SNX11: variants seen among roughly 807,000 people sequenced by gnomAD.
The protein encoded by SNX11 is sorting nexin 11.
Under a neutral mutation model 30.7 loss-of-function variants are expected in SNX11, and 19 were observed. The observed-to-expected ratio is 0.62, with a 90% CI of 0.43 to 0.91. The LOEUF (loss-of-function observed/expected upper bound fraction) is 0.91, where lower values mean the gene tolerates loss of function less well. Among genes scored for constraint, SNX11 ranks in the 40% least tolerant of loss-of-function variants. The probability of loss-of-function intolerance (pLI) is 0.00; values close to 1 mark genes in which losing one functional copy is unlikely to be tolerated. For synonymous variants in SNX11, 112 were observed against 119.0 expected (o/e 0.94, Z 0.38); for missense variants, 302 against 326.7 (o/e 0.92, Z 0.58).
At chr17:48,109,509 C>T (rs1365665161) in intron 1 of SNX11, among the ~76,000 whole-genome samples, 8 of 151,906 alleles carry the variant, frequency 5.3e-5, no homozygotes, top group Admixed American at 3.9e-4. Context: ...TCGCCCGCCT[C>T]GGCCTCCCAA....
At chr17:48,120,649 C>T (rs1265087508) in intron 6 of SNX11, among the ~76,000 whole-genome samples, 1 of 151,174 alleles carries the variant, frequency 6.6e-6, no homozygotes, top group East Asian at 2.0e-4. Context: ...GCTGGGACTA[C>T]AGGCGCCCGC....
In SNX11 at chr17:48,123,505, C is replaced by T. The variant is rs190352532; in HGVS notation, c.*1997C>T. On this transcript the variant is annotated 3_prime_UTR_variant, in exon 7 of 7. Transcript: ENST00000359238. ...GTGCTCAGCAGCTAGTTCTGCCAGC[C>T]GGCTAGGCTGCTGGGACAGCAGGAG... Among the ~76,000 whole-genome samples, 8 of 152,198 alleles carry T rather than the reference C, an allele frequency of 5.3e-5. No individual in the cohort carries two copies. The highest frequency in any genetic ancestry group is 2.1e-4 in the South Asian group (1 of 4,818).
At chr17:48,118,603 A>G in intron 4 of SNX11, 101 bp from the exon 5 acceptor site, 2 of 690,206 alleles carry the variant, frequency 2.9e-6, no homozygotes, top group Non-Finnish European at 4.9e-6. Flanking sequence ...AGCTATTTGT[A>G]TTGATTAGAC....
At chr17:48,116,802 A>C (rs1232067928) in intron 4 of SNX11, among the ~76,000 whole-genome samples, 1 of 149,280 alleles carries the variant, frequency 6.7e-6, no homozygotes, top group Non-Finnish European at 1.5e-5. Context: ...TCCTGACCTC[A>C]TGATCTACGT....
At chr17:48,119,257 GT>G in intron 6 of SNX11, 71 bp downstream of exon 6, 1 of 1,160,596 alleles carries the variant, frequency 8.6e-7, no homozygotes, top group Non-Finnish European at 1.3e-6. Context: ...GTGTCCATTT[GT>G]TAGGGAAAGT....
chr17:48,122,353 A>G lies in SNX11; in HGVS notation c.*845A>G, dbSNP rs2063610278. 1 of 153,566 alleles carries G rather than the reference A, an allele frequency of 6.5e-6. No homozygotes were observed. The highest frequency in any genetic ancestry group is 1.5e-5 in the Non-Finnish European group (1 of 68,212). The allele number at this position is 153,566 out of a possible 1,614,324, so 9.5% of individuals were successfully genotyped here. A position where few individuals can be genotyped will look rare whatever the true frequency, so the allele number is the denominator to read the frequency against. On this transcript the variant is annotated 3_prime_UTR_variant, in exon 7 of 7. Transcript: ENST00000359238. ...CCTTTGGTAGCAGCTCCCTGCCTCC[A>G]GGGCTTCCGCCACCAGCGTCTCTGC...
At chr17:48,117,100 G>T (rs1037163324) in intron 4 of SNX11, among the ~76,000 whole-genome samples, 6 of 151,522 alleles carry the variant, frequency 4.0e-5, no homozygotes. Flanking sequence ...TGTTGCCCAG[G>T]CTGGAGTGCA....
chr17:48,111,613 C>T (rs2063492902), intron 1 of SNX11, among the ~76,000 whole-genome samples: 2 of 150,704 alleles, frequency 1.3e-5, no homozygotes, highest in South Asian at 2.1e-4. Flanking sequence ...TGCCATTGCA[C>T]TCCAGCCTGG....
intron 4 of SNX11, among the ~76,000 whole-genome samples, chr17:48,117,091 G>C (rs1218557793): frequency 6.6e-6 from 1 of 150,604 alleles, no homozygotes; most frequent in Non-Finnish European, 1.5e-5. Context: ...TTTCGCTCTT[G>C]TTGCCCAGGC....
chr17:48,121,130 C>T, intron 6 of SNX11, 105 bp from the exon 7 acceptor site: 1 of 1,250,284 alleles, frequency 8.0e-7, no homozygotes, highest in Non-Finnish European at 1.1e-6. Context: ...GGATTACAGG[C>T]ACATGCCAAC....
At chr17:48,118,347 G>A (rs575000388) in intron 4 of SNX11, among the ~76,000 whole-genome samples, 2 of 152,206 alleles carry the variant, frequency 1.3e-5, no homozygotes, top group East Asian at 1.9e-4. Flanking sequence ...TTGGGAGGCC[G>A]AGGCAGGCAG....
chr17:48,115,430 C>G (rs2063536072), intron 4 of SNX11, among the ~76,000 whole-genome samples: 1 of 152,162 alleles, frequency 6.6e-6, no homozygotes, highest in African/African-American at 2.4e-5. Flanking sequence ...AGTATTTTTA[C>G]CTAACAAAGC....
chr17:48,115,904 C>T (rs1343873920), intron 4 of SNX11, among the ~76,000 whole-genome samples: 1 of 149,578 alleles, frequency 6.7e-6, no homozygotes, highest in African/African-American at 2.5e-5. Flanking sequence ...ATCCTCCAGC[C>T]TGGCCTGTTT....
intron 1 of SNX11, among the ~76,000 whole-genome samples, chr17:48,110,920 G>A (rs966439271): frequency 6.6e-6 from 1 of 152,198 alleles, no homozygotes; most frequent in Admixed American, 6.5e-5. Flanking sequence ...GGCCCCATTG[G>A]ACTTGAGTAA....
chr17:48,113,494 A>G (rs2063511544), intron 4 of SNX11, 93 bp downstream of exon 4: 8 of 831,284 alleles, frequency 9.6e-6, no homozygotes, highest in Non-Finnish European at 1.4e-5. Context: ...AACTTGCAAC[A>G]TACCAGGCAC....
At chr17:48,119,370 G>T (rs892634186) in intron 6 of SNX11, among the ~76,000 whole-genome samples, 184 bp downstream of exon 6, 1 of 152,148 alleles carries the variant, frequency 6.6e-6, no homozygotes, top group Non-Finnish European at 1.5e-5. Context: ...GGTAGCAGGG[G>T]CTCCTACTGA....
At chr17:48,109,842 G>A (rs1268344989) in intron 1 of SNX11, among the ~76,000 whole-genome samples, 1 of 152,096 alleles carries the variant, frequency 6.6e-6, no homozygotes, top group East Asian at 1.9e-4. Context: ...GTTTCTGAGT[G>A]GTATTGGCCC....
intron 4 of SNX11, among the ~76,000 whole-genome samples, chr17:48,115,055 G>A (rs1486160232): frequency 6.9e-6 from 1 of 145,662 alleles, no homozygotes; most frequent in Non-Finnish European, 1.5e-5. Context: ...ACCATGCTCC[G>A]CCTTTTTTCT....
At chr17:48,116,408 G>C (rs924591560) in intron 4 of SNX11, among the ~76,000 whole-genome samples, 1 of 152,046 alleles carries the variant, frequency 6.6e-6, no homozygotes, top group Non-Finnish European at 1.5e-5. Flanking sequence ...GTAGAGAAAG[G>C]TCTCACTTTG....
Sources: gnomAD v4.1 joint callset for allele counts (sites outside exome capture counted in the v4.1 genomes callset) on GRCh38, gnomAD v4.1.1 for gene constraint, MANE v1.5 for transcripts, NCBI Gene and HGNC (gene_info 2026-07-23, HGNC 2026-07-21) for gene names.